TMED3: variants seen among roughly 807,000 people sequenced by gnomAD.
TMED3 encodes the protein transmembrane emp24 domain-containing protein 3.
In TMED3, 9 loss-of-function variants were observed where a neutral mutation model predicts 15.0. The observed-to-expected ratio is 0.60, with a 90% CI of 0.36 to 1.04. The LOEUF (loss-of-function observed/expected upper bound fraction) is 1.04. TMED3 is among the 50% of genes least tolerant of loss of function. The pLI is 0.01. For missense variants in TMED3, 267 were observed against 278.9 expected, an observed-to-expected ratio of 0.96 and a Z score of 0.30; for synonymous variants, 117 against 121.4, an observed-to-expected ratio of 0.96 and a Z score of 0.24.
chr15:79,375,011 C>A (rs1434415582), intron 2 of TMED3, among the ~76,000 whole-genome samples: 1 of 152,188 alleles, frequency 6.6e-6, no homozygotes, highest in Non-Finnish European at 1.5e-5. Flanking sequence ...CCTTAAATTG[C>A]TAATCTTATG....
chr15:79,358,776 C>A (rs928715719), intron 2 of TMED3, among the ~76,000 whole-genome samples: 10 of 152,224 alleles, frequency 6.6e-5, no homozygotes, highest in African/African-American at 2.4e-4. Context: ...AGCTTCCATG[C>A]AGCTTTCCCT....
chr15:79,377,437 A>G (rs560589410), intron 2 of TMED3, among the ~76,000 whole-genome samples: 1 of 152,288 alleles, frequency 6.6e-6, no homozygotes, highest in South Asian at 2.1e-4. Context: ...TATTCAATAA[A>G]TGCACATGTA....
intron 2 of TMED3, among the ~76,000 whole-genome samples, chr15:79,410,446 T>G (rs1893960600): frequency 6.7e-6 from 1 of 149,784 alleles, no homozygotes; most frequent in African/African-American, 2.4e-5. Flanking sequence ...GAGGGGCAGC[T>G]GTGATGTGGC....
intron 2 of TMED3, among the ~76,000 whole-genome samples, chr15:79,395,604 C>T (rs1266707298): frequency 1.3e-5 from 2 of 152,150 alleles, no homozygotes; most frequent in Non-Finnish European, 2.9e-5. Flanking sequence ...GATACTTATG[C>T]TATTTTTTGT....
chr15:79,391,000 T>A (rs1259122528), intron 2 of TMED3, among the ~76,000 whole-genome samples: 1 of 152,066 alleles, frequency 6.6e-6, no homozygotes, highest in Non-Finnish European at 1.5e-5. Context: ...TTGCTAATGG[T>A]CTATCAATTC....
intron 2 of TMED3, among the ~76,000 whole-genome samples, chr15:79,344,965 G>A (rs1010997317): frequency 1.5e-4 from 23 of 152,116 alleles, no homozygotes; most frequent in Non-Finnish European, 3.2e-4. Flanking sequence ...GAGAGACAGA[G>A]CAGCATATGG....
At chr15:79,329,607 G>A (rs556387629) in intron 2 of TMED3, among the ~76,000 whole-genome samples, 1 of 152,336 alleles carries the variant, frequency 6.6e-6, no homozygotes, top group African/African-American at 2.4e-5. Flanking sequence ...GAGGTGGCCT[G>A]GCAGGCCAGG....
At chr15:79,411,520 G>C (rs1438666105) in exon 3 of TMED3, 1 of 701,542 alleles carries the variant, frequency 1.4e-6, no homozygotes, top group Non-Finnish European at 2.6e-6. Flanking sequence ...TTTCAGCGGG[G>C]AGGCACTGAG....
At chr15:79,411,828 T>C (rs1211461698) in exon 3 of TMED3, 3 of 267,668 alleles carry the variant, frequency 1.1e-5, no homozygotes, top group Admixed American at 8.7e-5. Context: ...CAATAAAGCA[T>C]AGCCAGGGAC....
At chr15:79,332,604 TGCTGGG>T (rs1303844013) in intron 2 of TMED3, among the ~76,000 whole-genome samples, 1 of 152,260 alleles carries the variant, frequency 6.6e-6, no homozygotes, top group Non-Finnish European at 1.5e-5. Flanking sequence ...TTGGCCAGTA[TGCTGGG>T]GCAAGGCGGG....
chr15:79,404,078 C>T (rs1376034969), intron 2 of TMED3, among the ~76,000 whole-genome samples: 6 of 152,216 alleles, frequency 3.9e-5, no homozygotes, highest in Non-Finnish European at 8.8e-5. Flanking sequence ...CACACACCTT[C>T]TTTGTCATAA....
chr15:79,367,194 A>G (rs1000302577), intron 2 of TMED3, among the ~76,000 whole-genome samples: 3 of 152,200 alleles, frequency 2.0e-5, no homozygotes, highest in Non-Finnish European at 4.4e-5. Context: ...ACAAAGTCCA[A>G]TATGATGCAG....
chr15:79,378,526 G>A (rs1339798422), intron 2 of TMED3, among the ~76,000 whole-genome samples: 1 of 152,188 alleles, frequency 6.6e-6, no homozygotes, highest in East Asian at 1.9e-4. Flanking sequence ...AAGAGCCTTG[G>A]CCTGGAAGTT....
At chr15:79,392,568 G>T (rs1280780503) in intron 2 of TMED3, among the ~76,000 whole-genome samples, 1 of 152,086 alleles carries the variant, frequency 6.6e-6, no homozygotes. Context: ...ACCTGATGAC[G>T]ATGTGCCCAG....
rs76054022 is a variant in TMED3, at chr15:79,332,758, G to A, written c.417+18753G>A. Among the ~76,000 whole-genome samples, 600 of 152,330 alleles carry A rather than the reference G, an allele frequency of 3.9e-3. 2 individuals are homozygous for A. The highest frequency in any genetic ancestry group is 0.014 in the African/African-American group (581 of 41,572). Reference sequence around the variant, plus strand: ...CATGGATTAATATCTCCCTCCTGGAGCACAGCTGGGTGACATTCTGAACAA... The same window carrying A: ...CATGGATTAATATCTCCCTCCTGGAACACAGCTGGGTGACATTCTGAACAA... On this transcript the variant is annotated intron_variant, in intron 2 of 2. Transcript: ENST00000424155.
intron 2 of TMED3, among the ~76,000 whole-genome samples, chr15:79,385,210 T>G (rs1893609284): frequency 1.3e-5 from 2 of 152,150 alleles, no homozygotes; most frequent in Non-Finnish European, 1.5e-5. Context: ...GTGTGGAGTC[T>G]TGGCAGAGTA....
At position 79,351,630 on chromosome 15, in the gene TMED3, C is replaced by T. The variant is rs568577642; in HGVS notation, c.417+37625C>T. ...AACACTTTTACACTATTGGTGGAAA[C>T]GTAAACTAGTGCAACCACTATGGAA... On this transcript the variant is annotated intron_variant, in intron 2 of 2. Coordinates refer to the TMED3 transcript ENST00000424155. Among the ~76,000 whole-genome samples the T allele has an allele frequency of 1.9e-3, 294 of 152,224 alleles. 4 individuals carry two copies. Among genetic ancestry groups the T allele is most frequent in the African/African-American group, 6.6e-3 (273 of 41,556 alleles).
At chr15:79,398,677 G>C (rs1249814027) in intron 2 of TMED3, among the ~76,000 whole-genome samples, 1 of 149,822 alleles carries the variant, frequency 6.7e-6, no homozygotes, top group East Asian at 1.9e-4. Flanking sequence ...CCCACAGTGG[G>C]GAAGGCCATC....
intron 2 of TMED3, among the ~76,000 whole-genome samples, chr15:79,347,636 T>C (rs539465802): frequency 1.3e-5 from 2 of 152,286 alleles, no homozygotes; most frequent in South Asian, 2.1e-4. Flanking sequence ...AACATCCCCA[T>C]AGTCTCACCT....
Sources: gnomAD v4.1 joint callset for allele counts (sites outside exome capture counted in the v4.1 genomes callset) on GRCh38, gnomAD v4.1.1 for gene constraint, MANE v1.5 for transcripts, NCBI Gene and HGNC (gene_info 2026-07-23, HGNC 2026-07-21) for gene names.